The following TRPM8 variants were observed in gnomAD, a reference collection of about 807,000 sequenced individuals.
TRPM8 encodes TRPM8 cationic channel.
In TRPM8, 110 loss-of-function variants were observed where a neutral mutation model predicts 133.7. The ratio of observed to expected loss-of-function variants is 0.82; its 90% CI spans 0.70 to 0.96. TRPM8 has a LOEUF of 0.96. TRPM8 is among the 40% of genes least tolerant of loss of function. The pLI is 0.00. For missense variants in TRPM8, 1,291 were observed against 1,379.5 expected (o/e 0.94, Z 1.02); for synonymous variants, 535 against 532.3 (o/e 1.01, Z -0.07).
intron 5 of TRPM8, among the ~76,000 whole-genome samples, chr2:233,939,490 A>T (rs1690850808): frequency 6.6e-6 from 1 of 152,134 alleles, no homozygotes; most frequent in Non-Finnish European, 1.5e-5. Context: ...GTTCAGGGGA[A>T]TTGGAAAGGA....
chr2:233,927,787 T>TTCCTTCCTTCCTTCCTTCCTTCC (rs1691567349), intron 2 of TRPM8, among the ~76,000 whole-genome samples: 23 of 33,704 alleles, frequency 6.8e-4, no homozygotes, highest in Non-Finnish European at 9.6e-4. Context: ...TCTTTCTTTC[T>TTCCTTCCTTCCTTCCTTCCTTCC]TTCTTTTCTT....
At chr2:233,990,119 G>A (rs116241540) in intron 21 of TRPM8, among the ~76,000 whole-genome samples, 2,275 of 152,320 alleles carry the variant, frequency 0.015, 35 homozygotes, top group Non-Finnish European at 0.021. Context: ...AGAATAGAAA[G>A]AAGAGCGCAG....
intron 21 of TRPM8, among the ~76,000 whole-genome samples, chr2:233,990,318 C>A (rs1016897116): frequency 1.3e-5 from 2 of 152,136 alleles, no homozygotes; most frequent in African/African-American, 4.8e-5. Flanking sequence ...AAAGCAAAAG[C>A]AAGCAAGAGA....
At chr2:233,969,838 G>A (rs199895791) in intron 16 of TRPM8, 31 bp downstream of exon 16, 2 of 1,374,012 alleles carry the variant, frequency 1.5e-6, no homozygotes, top group Non-Finnish European at 2.1e-6. Context: ...TCGTGTGTGA[G>A]TGTGTGTGCC....
rs1178731456 is a variant in TRPM8, at chr2:233,927,924, T to TTCTCTC, written c.117+1302_117+1307dup. Among the ~76,000 whole-genome samples the TTCTCTC allele has an allele frequency of 5.0e-4, 14 of 28,060 alleles. 1 individual carries two copies. Among genetic ancestry groups the TTCTCTC allele is most frequent in the Admixed American group, 5.6e-4 (1 of 1,788 alleles). 18.4% of individuals were successfully genotyped at this position (28,060 alleles called of 152,430 possible). ...TTTCTTTCTTTCTCTCTCTCTCTCTTTCTCTCTCTCTCTCTCTCTCTCTCT... is the reference window on the plus strand; with the variant it reads ...TTTCTTTCTTTCTCTCTCTCTCTCTTTCTCTCTCTCTCTCTCTCTCTCTCTCTCTCT... On this transcript the variant is annotated intron_variant, in intron 2 of 25. Transcript: ENST00000324695.
intron 10 of TRPM8, among the ~76,000 whole-genome samples, chr2:233,954,522 T>A (rs2125145279): frequency 6.6e-6 from 1 of 152,318 alleles, no homozygotes; most frequent in East Asian, 1.9e-4. Flanking sequence ...GTAAAGTGGA[T>A]GTTACCCATA....
chr2:233,969,579 A>T, intron 15 of TRPM8, 116 bp from the exon 16 acceptor site: 1 of 681,214 alleles, frequency 1.5e-6, no homozygotes, highest in Non-Finnish European at 2.7e-6. Context: ...TAATGACATT[A>T]ATTCAAAGAG....
intron 11 of TRPM8, among the ~76,000 whole-genome samples, chr2:233,957,515 A>C (rs1040460082): frequency 3.5e-4 from 53 of 152,136 alleles, no homozygotes; most frequent in Middle Eastern, 3.4e-3. Context: ...CACAAAAAAA[A>C]CCCAAAAAAC....
At chr2:234,002,979 T>A (rs1298686515) in intron 22 of TRPM8, among the ~76,000 whole-genome samples, 5 of 152,208 alleles carry the variant, frequency 3.3e-5, no homozygotes, top group Non-Finnish European at 7.3e-5. Context: ...TCAAATATTT[T>A]GAAGATTCAG....
At chr2:233,917,948 T>A (rs1691334391) in intron 1 of TRPM8, among the ~76,000 whole-genome samples, 1 of 152,252 alleles carries the variant, frequency 6.6e-6, no homozygotes, top group African/African-American at 2.4e-5. Flanking sequence ...ACATACTGTG[T>A]TTCCTTCCGT....
intron 22 of TRPM8, among the ~76,000 whole-genome samples, chr2:234,004,161 A>C (rs1692635821): frequency 6.6e-6 from 1 of 152,188 alleles, no homozygotes; most frequent in African/African-American, 2.4e-5. Context: ...TGGCGATCTC[A>C]TAATAACCAG....
chr2:233,922,145 G>A (rs983233998), intron 1 of TRPM8, among the ~76,000 whole-genome samples: 6 of 152,252 alleles, frequency 3.9e-5, no homozygotes, highest in Admixed American at 2.6e-4. Context: ...TAGGGAGTCC[G>A]GTTAAGGTAG....
At chr2:233,998,094 CT>C (rs1166206487) in intron 22 of TRPM8, among the ~76,000 whole-genome samples, 3 of 152,122 alleles carry the variant, frequency 2.0e-5, no homozygotes, top group Admixed American at 2.0e-4. Context: ...AAGGGCACCC[CT>C]GGCCTTTTTC....
At chr2:233,947,660 A>G (rs913508859) in intron 8 of TRPM8, 1 of 1,217,156 alleles carries the variant, frequency 8.2e-7, no homozygotes, top group South Asian at 1.3e-5. Context: ...TGCACCTGCA[A>G]CACTGAGCAA....
intron 23 of TRPM8, 30 bp downstream of exon 23, chr2:234,006,982 A>AG: frequency 6.4e-7 from 1 of 1,554,572 alleles, no homozygotes; most frequent in Non-Finnish European, 8.9e-7. Flanking sequence ...CTGCTTTGCA[A>AG]GGCTCCCTCT....
intron 21 of TRPM8, among the ~76,000 whole-genome samples, chr2:233,990,071 G>A (rs1488288389): frequency 3.9e-5 from 6 of 152,252 alleles, no homozygotes; most frequent in Non-Finnish European, 7.3e-5. Context: ...TGAGTGCTGT[G>A]TGAACAGTCT....
At chr2:233,920,855 A>G (rs1231304471) in intron 1 of TRPM8, among the ~76,000 whole-genome samples, 1 of 129,292 alleles carries the variant, frequency 7.7e-6, no homozygotes, top group African/African-American at 2.9e-5. Context: ...AGATTTCACC[A>G]TTTTTTTTTT....
intron 16 of TRPM8, 175 bp downstream of exon 16, chr2:233,969,982 A>G (rs1254573387): frequency 1.5e-6 from 1 of 667,078 alleles, no homozygotes; most frequent in Non-Finnish European, 2.6e-6. Flanking sequence ...TTCCTCTTAA[A>G]TGGGTAGGGG....
At chr2:233,922,905 G>A (rs901487166) in intron 1 of TRPM8, among the ~76,000 whole-genome samples, 1 of 152,102 alleles carries the variant, frequency 6.6e-6, no homozygotes, top group Non-Finnish European at 1.5e-5. Flanking sequence ...GTCTCGCTCT[G>A]TCACCCAGGC....
Sources: allele counts gnomAD v4.1 joint callset (sites outside exome capture counted in the v4.1 genomes callset), GRCh38; gene constraint gnomAD v4.1.1; transcripts MANE v1.5; gene names NCBI Gene and HGNC (gene_info 2026-07-23, HGNC 2026-07-21).